The following FNDC1 variants were observed in gnomAD, a reference collection of about 807,000 sequenced individuals.
FNDC1 encodes fibronectin type III domain containing 1.
A neutral mutation model predicts 168.0 loss-of-function variants in FNDC1; 96 were observed. The observed-to-expected ratio is 0.57, with a 90% CI of 0.48 to 0.68. FNDC1 has a LOEUF of 0.68. FNDC1 is among the 30% of genes least tolerant of loss of function. The pLI is 0.00. For missense variants in FNDC1, 2,587 were observed against 2,482.1 expected, an observed-to-expected ratio of 1.04 and a Z score of -0.90; for synonymous variants, 1,099 against 1,025.9, an observed-to-expected ratio of 1.07 and a Z score of -1.36.
chr6:159,204,272 C>T (rs140259113), intron 4 of FNDC1, among the ~76,000 whole-genome samples: 163 of 152,258 alleles, frequency 1.1e-3, no homozygotes, highest in African/African-American at 3.7e-3. Flanking sequence ...AGGCACTTGC[C>T]GCATAGTGGG....
rs1783191594 is a variant in FNDC1, at chr6:159,234,250, A to C, written c.3738A>C (p.Pro1246=). 6.3e-7 allele frequency: 1 copy of C among 1,588,568 alleles called. No homozygotes were observed. Among genetic ancestry groups the C allele is most frequent in the Non-Finnish European group, 8.6e-7 (1 of 1,168,030 alleles). Residue 1246 remains proline, a synonymous_variant, in exon 11 of 23, where the codon CCA becomes CCC. Coordinates refer to ENST00000297267, the MANE Select transcript of FNDC1 (RefSeq NM_032532.3). ...CTCCTGTGAAGCGACCTCTCCCCCC[A>C]CCTCCAGGCAGCTCCCCCAGGGCCT... The part of the protein sequence containing the change: ...SLAPVKRPLP[P]PPGSSPRASH...
chr6:159,170,539 C>T (rs571129423), intron 1 of FNDC1, among the ~76,000 whole-genome samples: 1 of 152,302 alleles, frequency 6.6e-6, no homozygotes, highest in South Asian at 2.1e-4. Context: ...ACCTCCTTTG[C>T]AGGCATTTTT....
chr6:159,232,271 C>T lies in FNDC1; in HGVS notation c.1759C>T (p.Arg587Trp), dbSNP rs759083463. Residue 587 changes from arginine to tryptophan, a missense_variant, in exon 11 of 23, where the codon CGG (arginine) becomes TGG (tryptophan). By Grantham distance (101) the Arg-to-Trp change is moderately radical (BLOSUM62 -3). Coordinates refer to ENST00000297267, the MANE Select transcript of FNDC1 (RefSeq NM_032532.3). This position sits in a 1 kb window ranked among gnomAD's most constrained non-coding sequence, Gnocchi z 4.9. ...TCCCGGCAGGACTGCAGTGAGGGCCCGGATGCCAGCGCTGCCCCGAAGGGA... is the reference window on the plus strand; with the variant it reads ...TCCCGGCAGGACTGCAGTGAGGGCCTGGATGCCAGCGCTGCCCCGAAGGGA... ...VAPGRTAVRA[R>W]MPALPRREGV... The T allele has an allele frequency of 7.1e-5, 115 of 1,610,210 alleles. No homozygotes were observed. The highest frequency in any genetic ancestry group is 8.9e-5 in the Non-Finnish European group (105 of 1,178,364).
chr6:159,205,174 A>G lies in FNDC1; in HGVS notation c.460+4593A>G, dbSNP rs184831155. Reference sequence around the variant, plus strand: ...TTCAGAAAGTTGATACCTACTGTTGAACTAATTATTTGATACCAAAACAAT... The same window carrying G: ...TTCAGAAAGTTGATACCTACTGTTGGACTAATTATTTGATACCAAAACAAT... On this transcript the variant is annotated intron_variant, in intron 4 of 22. Coordinates refer to ENST00000297267, the MANE Select transcript of FNDC1 (RefSeq NM_032532.3). 3.3e-3 allele frequency among the ~76,000 whole-genome samples: 498 copies of G among 152,316 alleles called. 2 individuals are homozygous for G. The highest frequency in any genetic ancestry group is 5.3e-3 in the Non-Finnish European group (359 of 68,022).
At chr6:159,202,166 C>A (rs1782393939) in intron 4 of FNDC1, among the ~76,000 whole-genome samples, 1 of 152,028 alleles carries the variant, frequency 6.6e-6, no homozygotes, top group Non-Finnish European at 1.5e-5. Context: ...AAAAAGATAC[C>A]AGAAGAAACT....
At chr6:159,244,844 C>A (rs1004313106) in intron 14 of FNDC1, among the ~76,000 whole-genome samples, 14 of 152,150 alleles carry the variant, frequency 9.2e-5, no homozygotes, top group African/African-American at 3.4e-4. Flanking sequence ...GTAAATCCTC[C>A]CAGAGCCTTG....
chr6:159,176,709 G>C (rs554903585), intron 1 of FNDC1, among the ~76,000 whole-genome samples: 45 of 152,166 alleles, frequency 3.0e-4, no homozygotes, highest in Non-Finnish European at 5.0e-4. Context: ...CCATAGTGTT[G>C]GTGGCCACCG....
intron 1 of FNDC1, among the ~76,000 whole-genome samples, chr6:159,176,741 T>G (rs1428979486): frequency 1.3e-5 from 2 of 152,114 alleles, no homozygotes; most frequent in Non-Finnish European, 2.9e-5. Flanking sequence ...TAAGGTGGCA[T>G]GTCGCTGGGT....
chr6:159,188,369 CTTTTTTTT>C (rs61551779), intron 1 of FNDC1, among the ~76,000 whole-genome samples: 12 of 128,676 alleles, frequency 9.3e-5, no homozygotes, highest in South Asian at 2.5e-4. Flanking sequence ...CAATTTCTTT[CTTTTTTTT>C]TTTTTTTTTT....
At chr6:159,209,730 T>C in intron 4 of FNDC1, among the ~76,000 whole-genome samples, 1 of 152,254 alleles carries the variant, frequency 6.6e-6, no homozygotes. Flanking sequence ...CCACGATTCA[T>C]GACATTAATA....
At chr6:159,179,420 C>T (rs1172281692) in intron 1 of FNDC1, among the ~76,000 whole-genome samples, 1 of 152,184 alleles carries the variant, frequency 6.6e-6, no homozygotes, top group African/African-American at 2.4e-5. Flanking sequence ...GATTGGGCCA[C>T]TGCACTCCAG....
chr6:159,214,504 A>G (rs970765660), intron 4 of FNDC1, among the ~76,000 whole-genome samples: 2 of 152,254 alleles, frequency 1.3e-5, no homozygotes, highest in African/African-American at 2.4e-5. Context: ...AGGCAAGGAA[A>G]GCCCGTCTTT....
chr6:159,233,885 C>T lies in FNDC1; in HGVS notation c.3373C>T (p.His1125Tyr). The T allele has an allele frequency of 6.5e-7, 1 of 1,547,516 alleles. No homozygotes were observed. The highest frequency in any genetic ancestry group is 1.2e-5 in the South Asian group (1 of 83,836). The stretch of plus-strand genomic sequence containing the variant: ...CACAGGCGCAGGGGCAGGTGGCGAC[C>T]ACAGGTCCCAGCGCGGACATGCGGC... ...SPTGAGAGGD[H>Y]RSQRGHAASP... Residue 1125 changes from histidine to tyrosine, a missense_variant, in exon 11 of 23, where the codon CAC becomes TAC. By Grantham distance (83) the His-to-Tyr change is moderately conservative. Coordinates refer to ENST00000297267, the MANE Select transcript of FNDC1 (RefSeq NM_032532.3). This position sits in a 1 kb window ranked among gnomAD's most constrained non-coding sequence, Gnocchi z 4.6.
rs41267773 is a variant in FNDC1 at position 159,264,973 on chromosome 6, A to G, written c.5255-2A>G. On this transcript the variant is annotated splice_acceptor_variant, in intron 19 of 22. Transcript: ENST00000297267. LOFTEE classifies it high-confidence loss of function. ...GTCCATTATTTCTTTTTCATTCTAC[A>G]GATAATCCTCTGCTTGTTGTGAGGC... 1.7e-5 allele frequency: 27 copies of G among 1,603,666 alleles called. No homozygotes were observed. Among genetic ancestry groups the G allele is most frequent in the African/African-American group, 2.7e-5 (2 of 74,814 alleles).
At chr6:159,210,618 G>C (rs1200360242) in intron 4 of FNDC1, among the ~76,000 whole-genome samples, 1 of 152,178 alleles carries the variant, frequency 6.6e-6, no homozygotes, top group Non-Finnish European at 1.5e-5. Context: ...CAATTCAAAG[G>C]TGTTTCAGGA....
At position 159,251,422 on chromosome 6, in the gene FNDC1, A is replaced by G; in HGVS notation, c.4955A>G (p.Asp1652Gly). Residue 1652 changes from aspartate to glycine, a missense_variant, in exon 17 of 23, where the codon GAC becomes GGC. Physicochemically the swap from Asp to Gly is moderately conservative, Grantham distance 94 (BLOSUM62 -1). Transcript: ENST00000297267. The stretch of plus-strand genomic sequence containing the variant: ...ATCCCCAATGACCTGAAGAAGAGTG[A>G]CCTGCCTCCCCAGCATGCTCCCCGC... ...EIIPNDLKKS[D>G]LPPQHAPRNI... is the part of the protein sequence containing the mutation. 6.2e-7 allele frequency: 1 copy of G among 1,613,934 alleles called. No homozygotes were observed. Among genetic ancestry groups the G allele is most frequent in the Admixed American group, 1.7e-5 (1 of 60,020 alleles).
At chr6:159,237,928 T>C (rs1406679438) in intron 12 of FNDC1, among the ~76,000 whole-genome samples, 1 of 152,226 alleles carries the variant, frequency 6.6e-6, no homozygotes, top group Non-Finnish European at 1.5e-5. Flanking sequence ...CACAAATTAT[T>C]TAATCTCTTC....
chr6:159,178,461 G>T (rs1033669446), intron 1 of FNDC1, among the ~76,000 whole-genome samples: 3 of 152,098 alleles, frequency 2.0e-5, no homozygotes, highest in Non-Finnish European at 1.5e-5. Context: ...CCCTAAAGGC[G>T]GCATTTGCAT....
intron 4 of FNDC1, among the ~76,000 whole-genome samples, chr6:159,202,009 G>A (rs1278566414): frequency 6.6e-6 from 1 of 152,204 alleles, no homozygotes; most frequent in African/African-American, 2.4e-5. Flanking sequence ...CTGGGGACCA[G>A]GGATCAGACA....
Sources: gnomAD v4.1 joint callset for allele counts (sites outside exome capture counted in the v4.1 genomes callset) on GRCh38, gnomAD v4.1.1 for gene constraint, Gnocchi (gnomAD v3.1) non-coding constraint, MANE v1.5 for transcripts, NCBI Gene and HGNC (gene_info 2026-07-23, HGNC 2026-07-21) for gene names.